Variants in GRIK4 observed in about 807,000 individuals in gnomAD.
GRIK4 encodes glutamate ionotropic receptor kainate type subunit 4.
A neutral mutation model predicts 104.9 loss-of-function variants in GRIK4; 40 were observed. That is an observed-to-expected ratio of 0.38 (90% CI 0.30 to 0.50). The LOEUF (loss-of-function observed/expected upper bound fraction) is 0.50. Ranked by LOEUF, GRIK4 falls within the 20% of genes least tolerant of loss-of-function variation. GRIK4 has a pLI of 0.93. For missense variants in GRIK4, 1,047 were observed against 1,308.1 expected (o/e 0.80, Z 3.08); for synonymous variants, 485 against 524.9 (o/e 0.92, Z 1.04).
chr11:120,913,313 C>T (rs1407457047), intron 13 of GRIK4, among the ~76,000 whole-genome samples: 1 of 151,870 alleles, frequency 6.6e-6, no homozygotes. Context: ...GGAGGGTGCC[C>T]AGAATTTGAT....
Position 120,517,956 on chromosome 11 carries a change from G to C in GRIK4, c.-159+6069G>C, listed in dbSNP as rs374720566. 2.6e-4 allele frequency among the ~76,000 whole-genome samples: 40 copies of C among 152,308 alleles called. No individual in the cohort carries two copies. In the South Asian group the frequency reaches 8.3e-3, roughly 32 times the overall value. ...AAGTGAGAGGCTGACTGCAAGGCAC[G>C]CTTAATGAAAAAGAAAAGTTTAAGA... On this transcript the variant is annotated intron_variant, in intron 1 of 20. Coordinates refer to ENST00000527524, the MANE Select transcript of GRIK4 (RefSeq NM_014619.5).
chr11:120,569,763 G>A (rs781473252), intron 1 of GRIK4, among the ~76,000 whole-genome samples: 11 of 152,212 alleles, frequency 7.2e-5, no homozygotes, highest in Non-Finnish European at 1.5e-4. Flanking sequence ...AGACTTGGAG[G>A]AGGCTGGGTG....
chr11:120,954,614 G>A (rs1396192207), intron 15 of GRIK4, among the ~76,000 whole-genome samples: 2 of 152,100 alleles, frequency 1.3e-5, no homozygotes, highest in African/African-American at 4.8e-5. Context: ...ATACAAGCCT[G>A]CTTCAGCATA....
At position 120,986,349 on chromosome 11, in the gene GRIK4, G is replaced by A; in HGVS notation, c.*89G>A. On this transcript the variant is annotated 3_prime_UTR_variant, in exon 21 of 21. Coordinates refer to ENST00000527524, the MANE Select transcript of GRIK4 (RefSeq NM_014619.5). ...TGCTGTCAGCCGCCAGCCGGAACTT[G>A]TACAGCGTCGACACCTCTCCAGATT... is the stretch of plus-strand genomic sequence containing the variant. 1 of 1,376,566 alleles carries A rather than the reference G, an allele frequency of 7.3e-7. No individual in the cohort carries two copies. Among genetic ancestry groups the A allele is most frequent in the Non-Finnish European group, 9.4e-7 (1 of 1,061,500 alleles). The allele number at this position is 1,376,566 out of a possible 1,614,324, so 85.3% of individuals were successfully genotyped here. A position where few individuals can be genotyped will look rare whatever the true frequency, so the allele number is the denominator to read the frequency against.
At position 120,660,509 on chromosome 11, in the gene GRIK4, G is replaced by A. The variant is rs1159367418; in HGVS notation, c.82+109G>A. On this transcript the variant is annotated intron_variant, in intron 3 of 20. Coordinates refer to ENST00000527524, the MANE Select transcript of GRIK4 (RefSeq NM_014619.5). Reference sequence around the variant, plus strand: ...GGGGAAGCTGCCCAGCCCGTGCACTGTGCCCTCCCTGAGTGTGGCTGGGGT... The same window carrying A: ...GGGGAAGCTGCCCAGCCCGTGCACTATGCCCTCCCTGAGTGTGGCTGGGGT... The A allele has an allele frequency of 1.0e-5, 8 of 781,564 alleles. No individual in the cohort carries two copies. The East Asian group carries it at 1.1e-4, about 10-fold the overall frequency. 48.4% of individuals were successfully genotyped at this position (781,564 alleles called of 1,614,324 possible).
intron 3 of GRIK4, among the ~76,000 whole-genome samples, chr11:120,692,107 C>T (rs542071633): frequency 3.4e-4 from 52 of 152,346 alleles, no homozygotes; most frequent in African/African-American, 1.1e-3. Flanking sequence ...CTGGGCCCAA[C>T]AAGGCAGAGT....
In GRIK4 at chr11:120,819,282, G is replaced by A. The variant is rs1953041934; in HGVS notation, c.346-473G>A. ...GTTGGGAGCTGGTTACTATACACCT[G>A]TTGGCTGGGCTGGGCTGATGGGACT... On this transcript the variant is annotated intron_variant, in intron 5 of 20. Coordinates refer to ENST00000527524, the MANE Select transcript of GRIK4 (RefSeq NM_014619.5). The surrounding 1 kb of genome is among the most constrained non-coding windows in gnomAD (Gnocchi z 4.3). Among the ~76,000 whole-genome samples, 1 of 152,186 alleles carries A rather than the reference G, an allele frequency of 6.6e-6. No homozygotes were observed. Among genetic ancestry groups the A allele is most frequent in the Non-Finnish European group, 1.5e-5 (1 of 68,044 alleles).
chr11:120,964,417 C>T (rs528312843), intron 18 of GRIK4, among the ~76,000 whole-genome samples: 2 of 152,312 alleles, frequency 1.3e-5, no homozygotes, highest in Admixed American at 6.5e-5. Context: ...GGAGGCTTCA[C>T]TCTGGGTACT....
intron 1 of GRIK4, among the ~76,000 whole-genome samples, chr11:120,581,346 A>C (rs560421943): frequency 1.1e-4 from 16 of 152,240 alleles, no homozygotes; most frequent in Non-Finnish European, 1.8e-4. Flanking sequence ...CGGTTTCAGA[A>C]GACAGCCTCT....
At chr11:120,696,316 T>C (rs1950448208) in intron 3 of GRIK4, among the ~76,000 whole-genome samples, 1 of 152,066 alleles carries the variant, frequency 6.6e-6, no homozygotes, top group African/African-American at 2.4e-5. Flanking sequence ...TACAGCAGAC[T>C]TACGCTATCC....
chr11:120,986,529 G>A lies in GRIK4; in HGVS notation c.*269G>A. On this transcript the variant is annotated 3_prime_UTR_variant, in exon 21 of 21. Transcript: ENST00000527524. ...CACAAGGACCCATCTTCTCCCAGTG[G>A]GTCTTTCCCTCTCGCCAAAATAACA... The A allele has an allele frequency of 2.2e-6, 1 of 449,672 alleles. No individual in the cohort carries two copies. Among genetic ancestry groups the A allele is most frequent in the South Asian group, 3.3e-5 (1 of 30,202 alleles). 27.9% of individuals were successfully genotyped at this position (449,672 alleles called of 1,614,324 possible).
At chr11:120,656,186 C>T (rs1409490395) in intron 2 of GRIK4, among the ~76,000 whole-genome samples, 1 of 152,158 alleles carries the variant, frequency 6.6e-6, no homozygotes, top group African/African-American at 2.4e-5. Flanking sequence ...GAAAAGAAGA[C>T]CCCAAATGTC....
Position 120,668,283 on chromosome 11 carries a change from GAA to G in GRIK4, c.82+7885_82+7886del, listed in dbSNP as rs199660421. 3.1e-3 allele frequency among the ~76,000 whole-genome samples: 427 copies of G among 136,176 alleles called. 2 individuals carry two copies. Among genetic ancestry groups the G allele is most frequent in the African/African-American group, 9.7e-3 (355 of 36,586 alleles). 89.3% of individuals were successfully genotyped at this position (136,176 alleles called of 152,430 possible). ...AAATAAGAAAGAAAGAAAAAAGAGA[GAA>G]AGAGAGAAAGAAAAAAGAAAAGAAA... On this transcript the variant is annotated intron_variant, in intron 3 of 20. Coordinates refer to ENST00000527524, the MANE Select transcript of GRIK4 (RefSeq NM_014619.5).
chr11:120,808,311 A>G (rs1479440723), intron 4 of GRIK4, among the ~76,000 whole-genome samples: 1 of 152,206 alleles, frequency 6.6e-6, no homozygotes, highest in Non-Finnish European at 1.5e-5. Flanking sequence ...TTCTCACTTC[A>G]TGAGGTTGTT....
At chr11:120,908,747 C>G (rs1330535074) in intron 13 of GRIK4, among the ~76,000 whole-genome samples, 1 of 152,230 alleles carries the variant, frequency 6.6e-6, no homozygotes, top group Non-Finnish European at 1.5e-5. Flanking sequence ...GAGGGGGAAA[C>G]TTGTATCTGT....
intron 1 of GRIK4, among the ~76,000 whole-genome samples, chr11:120,592,640 T>G (rs1302723323): frequency 1.3e-5 from 2 of 152,118 alleles, no homozygotes; most frequent in Admixed American, 1.3e-4. Context: ...CCCTCAGCAC[T>G]TCCCACACCC....
chr11:120,606,007 T>C (rs1948956098), intron 1 of GRIK4, among the ~76,000 whole-genome samples: 1 of 152,178 alleles, frequency 6.6e-6, no homozygotes, highest in African/African-American at 2.4e-5. Context: ...CTCTCTTTCC[T>C]CCCATCTCCC....
intron 19 of GRIK4, among the ~76,000 whole-genome samples, chr11:120,976,935 C>T (rs1011850039): frequency 1.4e-4 from 22 of 152,130 alleles, no homozygotes; most frequent in African/African-American, 5.1e-4. Context: ...TACCTGAATC[C>T]AAGAAGTGGT....
chr11:120,904,995 A>C (rs1020517933), intron 12 of GRIK4, among the ~76,000 whole-genome samples: 1 of 152,184 alleles, frequency 6.6e-6, no homozygotes, highest in African/African-American at 2.4e-5. Flanking sequence ...AAAGAGAGAG[A>C]TAGATAGTGG....
Sources: gnomAD v4.1 joint callset for allele counts (sites outside exome capture counted in the v4.1 genomes callset) on GRCh38, gnomAD v4.1.1 for gene constraint, Gnocchi (gnomAD v3.1) non-coding constraint, MANE v1.5 for transcripts, NCBI Gene and HGNC (gene_info 2026-07-23, HGNC 2026-07-21) for gene names.